TMTC2: variants seen among roughly 807,000 people sequenced by gnomAD.
The protein encoded by TMTC2 is protein O-mannosyl-transferase TMTC2.
A neutral mutation model predicts 82.4 loss-of-function variants in TMTC2; 43 were observed. The ratio of observed to expected loss-of-function variants is 0.52; its 90% CI spans 0.41 to 0.67. The LOEUF is 0.67. Among genes scored for constraint, TMTC2 ranks in the 30% least tolerant of loss-of-function variants. The pLI is 0.00. For missense variants in TMTC2, 919 were observed against 1,012.4 expected, an observed-to-expected ratio of 0.91 and a Z score of 1.25; for synonymous variants, 408 against 381.9, an observed-to-expected ratio of 1.07 and a Z score of -0.80.
chr12:82,879,759 G>A (rs1320160980), intron 2 of TMTC2, among the ~76,000 whole-genome samples: 3 of 152,280 alleles, frequency 2.0e-5, no homozygotes, highest in Non-Finnish European at 4.4e-5. Flanking sequence ...ACATCATGAT[G>A]TTTTAGAAAG....
At position 82,943,526 on chromosome 12, in the gene TMTC2, C is replaced by T. The variant is rs564973200; in HGVS notation, c.1598+12981C>T. On this transcript the variant is annotated intron_variant, in intron 4 of 11. Transcript: ENST00000321196. ...CTAGTTTTGGAGGTATCTTTTTTGT[C>T]CACAGTTGATTTTGCACTCCTGTTC... Among the ~76,000 whole-genome samples the T allele has an allele frequency of 1.1e-4, 16 of 152,264 alleles. No individual in the cohort carries two copies. In the South Asian group the frequency reaches 3.3e-3, roughly 32 times the overall value.
intron 8 of TMTC2, among the ~76,000 whole-genome samples, chr12:83,003,270 A>G (rs75079615): frequency 7.3e-4 from 111 of 152,122 alleles, no homozygotes; most frequent in Non-Finnish European, 1.3e-3. Context: ...CCTTTGTCAG[A>G]CAGGTCTTTC....
At chr12:82,925,988 T>G (rs1195673020) in intron 3 of TMTC2, among the ~76,000 whole-genome samples, 10 of 66,748 alleles carry the variant, frequency 1.5e-4, no homozygotes, top group Non-Finnish European at 3.0e-4. Flanking sequence ...TGTTTTTTTT[T>G]TTTGTTTTTT....
At position 83,117,896 on chromosome 12, in the gene TMTC2, T is replaced by TTTTATTTATTTATTTATTTA. The variant is rs3069105; in HGVS notation, c.2332-14298_2332-14279dup. 4.0e-5 allele frequency among the ~76,000 whole-genome samples: 6 copies of TTTTATTTATTTATTTATTTA among 149,070 alleles called. 1 individual carries two copies. In the South Asian group the frequency reaches 6.4e-4, roughly 16 times the overall value. ...CCTTGGTTAGGTATATTCCTAAGTA[T>TTTTATTTATTTATTTATTTA]TTTATTTATTTATTTATTTATTTAT... On this transcript the variant is annotated intron_variant, in intron 11 of 11. Transcript: ENST00000321196.
chr12:82,704,166 C>CTTTACAGA (rs1430600972), intron 1 of TMTC2, among the ~76,000 whole-genome samples: 2 of 152,124 alleles, frequency 1.3e-5, no homozygotes, highest in South Asian at 2.1e-4. Flanking sequence ...ATACCACAAA[C>CTTTACAGA]TTTACAGATT....
At chr12:82,696,375 TAAAG>T (rs1245345049) in intron 1 of TMTC2, among the ~76,000 whole-genome samples, 1 of 152,198 alleles carries the variant, frequency 6.6e-6, no homozygotes, top group Non-Finnish European at 1.5e-5. Flanking sequence ...AGATTTATAT[TAAAG>T]AAACAAAGTT....
In TMTC2 at chr12:82,915,646, T is replaced by C. The variant is rs548159044; in HGVS notation, c.1484-14785T>C. 7.3e-4 allele frequency among the ~76,000 whole-genome samples: 111 copies of C among 152,344 alleles called. 1 individual carries two copies. The highest frequency in any genetic ancestry group is 9.0e-4 in the Non-Finnish European group (61 of 68,028). On this transcript the variant is annotated intron_variant, in intron 3 of 11. Transcript: ENST00000321196. ...ATTTAAGGGAGAAAATGGATTCTTT[T>C]TGTTCCCCCTGAAGTTGTTTGGAAA...
intron 7 of TMTC2, among the ~76,000 whole-genome samples, chr12:82,969,041 G>A (rs1878340885): frequency 6.6e-6 from 1 of 152,100 alleles, no homozygotes; most frequent in South Asian, 2.1e-4. Context: ...CTCAGAGAGT[G>A]AATTCACCTC....
chr12:82,731,122 G>GA (rs1220432229), intron 1 of TMTC2, among the ~76,000 whole-genome samples: 4 of 151,882 alleles, frequency 2.6e-5, no homozygotes, highest in South Asian at 2.1e-4. Context: ...TTCAACAAAT[G>GA]AAAAAAAATC....
intron 2 of TMTC2, among the ~76,000 whole-genome samples, chr12:82,859,550 A>G: frequency 6.6e-6 from 1 of 152,176 alleles, no homozygotes; most frequent in East Asian, 1.9e-4. Flanking sequence ...TGTTCTATAC[A>G]ATATTTGGGA....
At chr12:83,057,934 A>T (rs1386260811) in intron 10 of TMTC2, among the ~76,000 whole-genome samples, 2 of 151,902 alleles carry the variant, frequency 1.3e-5, no homozygotes, top group Non-Finnish European at 2.9e-5. Flanking sequence ...TAGCAGTTTT[A>T]TAATTCTCAC....
At chr12:82,839,038 CT>C (rs1276966564) in intron 1 of TMTC2, among the ~76,000 whole-genome samples, 1 of 152,168 alleles carries the variant, frequency 6.6e-6, no homozygotes, top group Non-Finnish European at 1.5e-5. Flanking sequence ...TGCCTTATCT[CT>C]GTGGCTAGCT....
At chr12:83,107,773 C>CA (rs1344770517) in intron 11 of TMTC2, among the ~76,000 whole-genome samples, 1 of 151,402 alleles carries the variant, frequency 6.6e-6, no homozygotes, top group Admixed American at 6.6e-5. Context: ...TCCTTATGAC[C>CA]CCCCGTGCCC....
chr12:82,767,253 T>G (rs1592504983), intron 1 of TMTC2, among the ~76,000 whole-genome samples: 1 of 152,310 alleles, frequency 6.6e-6, no homozygotes, highest in Non-Finnish European at 1.5e-5. Flanking sequence ...TTTTTTCTGC[T>G]TTTGAGATTA....
intron 1 of TMTC2, among the ~76,000 whole-genome samples, chr12:82,835,930 G>A (rs1245012850): frequency 6.6e-6 from 1 of 152,154 alleles, no homozygotes; most frequent in Non-Finnish European, 1.5e-5. Flanking sequence ...CAGTGCTGTG[G>A]CCAGTACCCA....
intron 1 of TMTC2, among the ~76,000 whole-genome samples, chr12:82,814,747 C>T (rs1244028276): frequency 1.3e-5 from 2 of 152,090 alleles, no homozygotes; most frequent in African/African-American, 2.4e-5. Context: ...AATCAAGACA[C>T]TGACAACAGA....
intron 4 of TMTC2, among the ~76,000 whole-genome samples, chr12:82,937,016 A>G (rs1876356501): frequency 6.6e-6 from 1 of 152,336 alleles, no homozygotes; most frequent in South Asian, 2.1e-4. Context: ...TTTGATCATT[A>G]TCACTGTATC....
chr12:82,835,577 G>A (rs1869989540), intron 1 of TMTC2, among the ~76,000 whole-genome samples: 1 of 152,090 alleles, frequency 6.6e-6, no homozygotes, highest in Admixed American at 6.5e-5. Context: ...ACTGGACCCT[G>A]TTAACCTAAT....
In TMTC2 at chr12:83,072,867, G is replaced by A. The variant is rs114675800; in HGVS notation, c.2331+11036G>A. On this transcript the variant is annotated intron_variant, in intron 11 of 11. Coordinates refer to ENST00000321196, the MANE Select transcript of TMTC2 (RefSeq NM_152588.3). ...TTCTCATGAAATGCCTTTTTTCACC[G>A]CTTTAAGTTTATGTGAGTCCTTATA... 4.3e-3 allele frequency among the ~76,000 whole-genome samples: 656 copies of A among 151,850 alleles called. 3 individuals are homozygous for A. Among genetic ancestry groups the A allele is most frequent in the African/African-American group, 0.014 (576 of 41,436 alleles).
Sources: gnomAD v4.1 joint callset for allele counts (sites outside exome capture counted in the v4.1 genomes callset) on GRCh38, gnomAD v4.1.1 for gene constraint, MANE v1.5 for transcripts, NCBI Gene and HGNC (gene_info 2026-07-23, HGNC 2026-07-21) for gene names.